MAD1L1: variants seen among roughly 807,000 people sequenced by gnomAD.
The protein encoded by MAD1L1 is mitotic arrest deficient 1 like 1.
In MAD1L1, 95 loss-of-function variants were observed where a neutral mutation model predicts 96.9. The observed-to-expected ratio is 0.98, with a 90% CI of 0.83 to 1.16. The LOEUF (loss-of-function observed/expected upper bound fraction) is 1.16, where lower values mean the gene tolerates loss of function less well. MAD1L1 is among the 50% of genes most tolerant of loss of function. MAD1L1 has a pLI of 0.00. For synonymous variants in MAD1L1, 473 were observed against 396.6 expected, an observed-to-expected ratio of 1.19 and a Z score of -2.29; for missense variants, 1,007 against 954.4, an observed-to-expected ratio of 1.06 and a Z score of -0.73.
At chr7:2,049,914 C>CGTCTGCGG (rs1784091820) in intron 12 of MAD1L1, among the ~76,000 whole-genome samples, 1 of 150,836 alleles carries the variant, frequency 6.6e-6, no homozygotes, top group South Asian at 2.1e-4. Flanking sequence ...CCTCACCCAA[C>CGTCTGCGG]ATCTGCGGAC....
At chr7:1,948,765 C>T (rs999412382) in intron 16 of MAD1L1, among the ~76,000 whole-genome samples, 10 of 152,162 alleles carry the variant, frequency 6.6e-5, no homozygotes, top group Non-Finnish European at 1.3e-4. Flanking sequence ...GCATCCCCTT[C>T]CTAATCTGGC....
At chr7:1,871,649 G>A (rs936835287) in intron 18 of MAD1L1, among the ~76,000 whole-genome samples, 6 of 148,518 alleles carry the variant, frequency 4.0e-5, no homozygotes, top group African/African-American at 1.5e-4. Flanking sequence ...ACATACGCCT[G>A]CCATGCTGAA....
rs1780242840 is a variant in MAD1L1, at chr7:1,968,007, C to CTT, written c.1506-10289_1506-10288insAA. Among the ~76,000 whole-genome samples, 2 of 152,204 alleles carry CTT rather than the reference C, an allele frequency of 1.3e-5. No homozygotes were observed. Among genetic ancestry groups the CTT allele is most frequent in the African/African-American group, 4.8e-5 (2 of 41,452 alleles). ...GGCAAACTCCCTCCAGTCCACACTG[C>CTT]TGGTAATAAATGAAGAAGTGAATAA... On this transcript the variant is annotated intron_variant, in intron 15 of 18. Coordinates refer to ENST00000265854, the MANE Select transcript of MAD1L1 (RefSeq NM_001013836.2). The surrounding 1 kb of genome is among the most constrained non-coding windows in gnomAD (Gnocchi z 5.6).
chr7:2,064,551 C>A (rs1584234814), intron 12 of MAD1L1, among the ~76,000 whole-genome samples: 1 of 152,070 alleles, frequency 6.6e-6, no homozygotes, highest in Non-Finnish European at 1.5e-5. Flanking sequence ...AGAGGCTTCT[C>A]CCCGGAGGAC....
In MAD1L1 at chr7:2,142,415, C is replaced by T. The variant is rs1002583663; in HGVS notation, c.1073+6737G>A. 3.3e-5 allele frequency among the ~76,000 whole-genome samples: 5 copies of T among 152,332 alleles called. No homozygotes were observed. The highest frequency in any genetic ancestry group is 1.3e-4 in the Admixed American group (2 of 15,306). On this transcript the variant is annotated intron_variant, in intron 11 of 18. Coordinates refer to ENST00000265854, the MANE Select transcript of MAD1L1 (RefSeq NM_001013836.2). The surrounding 1 kb of genome is among the most constrained non-coding windows in gnomAD (Gnocchi z 4.7). ...TGTGCGTCCCAGGCATGGTCCGGGG[C>T]TGCGGGAGAAACTCTTGGGACCAGC...
chr7:2,205,943 G>C (rs948713077), intron 10 of MAD1L1, among the ~76,000 whole-genome samples: 1 of 152,130 alleles, frequency 6.6e-6, no homozygotes, highest in Admixed American at 6.6e-5. Flanking sequence ...AGACTAGCCT[G>C]GCCAACATGG....
intron 17 of MAD1L1, among the ~76,000 whole-genome samples, chr7:1,918,820 G>T (rs980493525): frequency 4.3e-4 from 66 of 152,222 alleles, no homozygotes; most frequent in African/African-American, 1.5e-3. Context: ...GGAGACCACA[G>T]CTCCCGGCCC....
chr7:2,123,025 C>T (rs568512644), intron 11 of MAD1L1, among the ~76,000 whole-genome samples: 1 of 150,998 alleles, frequency 6.6e-6, no homozygotes, highest in African/African-American at 2.4e-5. Flanking sequence ...GCAGGGGAGC[C>T]GGGCGCAGTG....
intron 10 of MAD1L1, among the ~76,000 whole-genome samples, chr7:2,178,637 C>T (rs2128599481): frequency 6.6e-6 from 1 of 152,310 alleles, no homozygotes; most frequent in South Asian, 2.1e-4. Context: ...TGGCTCACGC[C>T]TGTAATCCTA....
rs1780244744 is a variant in MAD1L1 at position 1,968,048 on chromosome 7, C to T, written c.1506-10329G>A. On this transcript the variant is annotated intron_variant, in intron 15 of 18. Coordinates refer to ENST00000265854, the MANE Select transcript of MAD1L1 (RefSeq NM_001013836.2). The surrounding 1 kb of genome is among the most constrained non-coding windows in gnomAD (Gnocchi z 5.6). ...AAGTGAATAAATGGGGAAGAGGAGA[C>T]ACCTCCCTCACAGAACTCCACATCA... is the stretch of plus-strand genomic sequence containing the variant. Among the ~76,000 whole-genome samples, 1 of 152,238 alleles carries T rather than the reference C, an allele frequency of 6.6e-6. No homozygotes were observed. The highest frequency in any genetic ancestry group is 1.5e-5 in the Non-Finnish European group (1 of 68,040).
chr7:1,895,825 T>C (rs1264425587), intron 18 of MAD1L1, among the ~76,000 whole-genome samples: 1 of 152,212 alleles, frequency 6.6e-6, no homozygotes, highest in African/African-American at 2.4e-5. Flanking sequence ...CACACGGGCC[T>C]TGGGCCAGGA....
intron 11 of MAD1L1, among the ~76,000 whole-genome samples, chr7:2,126,646 G>A (rs935597703): frequency 6.6e-6 from 1 of 152,230 alleles, no homozygotes; most frequent in Non-Finnish European, 1.5e-5. Flanking sequence ...AAGGCAGTGT[G>A]AGGAGGCCCA....
intron 10 of MAD1L1, among the ~76,000 whole-genome samples, chr7:2,192,744 G>A (rs1215403419): frequency 2.0e-5 from 3 of 152,128 alleles, no homozygotes; most frequent in Non-Finnish European, 4.4e-5. Flanking sequence ...CGAGAGAAAA[G>A]GATGTCATTA....
chr7:2,130,725 G>C (rs777887601), intron 11 of MAD1L1, among the ~76,000 whole-genome samples: 4 of 152,208 alleles, frequency 2.6e-5, no homozygotes, highest in Admixed American at 6.5e-5. Context: ...AACTAGGAGA[G>C]ACCAAACACC....
chr7:1,953,092 A>T (rs774253985), intron 16 of MAD1L1, among the ~76,000 whole-genome samples: 17 of 152,148 alleles, frequency 1.1e-4, no homozygotes, highest in Non-Finnish European at 2.4e-4. Flanking sequence ...GGCCACAGGG[A>T]TGGCATCTCA....
At chr7:2,212,701 T>C (rs1793039445) in intron 10 of MAD1L1, among the ~76,000 whole-genome samples, 2 of 152,222 alleles carry the variant, frequency 1.3e-5, no homozygotes, top group South Asian at 4.1e-4. Context: ...GCCAGCACCA[T>C]GCTTCCTGTA....
At chr7:2,162,640 T>TA (rs554706639) in intron 10 of MAD1L1, among the ~76,000 whole-genome samples, 6 of 103,026 alleles carry the variant, frequency 5.8e-5, no homozygotes, top group South Asian at 3.0e-4. Flanking sequence ...AATGATATCT[T>TA]AAAAAAAATC....
intron 12 of MAD1L1, among the ~76,000 whole-genome samples, chr7:2,052,643 G>A (rs1045775859): frequency 6.6e-6 from 1 of 152,196 alleles, no homozygotes; most frequent in South Asian, 2.1e-4. Flanking sequence ...ATTGGCCGCA[G>A]GTCATACCTA....
chr7:2,174,365 T>C (rs1246215614), intron 10 of MAD1L1, among the ~76,000 whole-genome samples: 5 of 152,196 alleles, frequency 3.3e-5, no homozygotes, highest in Non-Finnish European at 7.3e-5. Flanking sequence ...GGATGCTGTC[T>C]TTACCCTGAT....
Sources: gnomAD v4.1 joint callset for allele counts (sites outside exome capture counted in the v4.1 genomes callset) on GRCh38, gnomAD v4.1.1 for gene constraint, Gnocchi (gnomAD v3.1) non-coding constraint, MANE v1.5 for transcripts, NCBI Gene and HGNC (gene_info 2026-07-23, HGNC 2026-07-21) for gene names.